Variants in PIGK observed in about 807,000 individuals in gnomAD.
PIGK encodes the protein phosphatidylinositol glycan anchor biosynthesis class K.
Under a neutral mutation model 50.6 loss-of-function variants are expected in PIGK, and 42 were observed. The observed-to-expected ratio is 0.83, with a 90% CI of 0.65 to 1.07. The LOEUF is 1.07. Ranked by LOEUF, PIGK falls within the 50% of genes least tolerant of loss-of-function variation. PIGK has a pLI of 0.00. For missense variants in PIGK, 448 were observed against 488.7 expected, an observed-to-expected ratio of 0.92 and a Z score of 0.78; for synonymous variants, 151 against 156.0, an observed-to-expected ratio of 0.97 and a Z score of 0.24.
At chr1:77,170,305 T>C (rs1011788270) in intron 3 of PIGK, among the ~76,000 whole-genome samples, 1 of 152,196 alleles carries the variant, frequency 6.6e-6, no homozygotes, top group African/African-American at 2.4e-5. Context: ...CTTCAGCCTC[T>C]ACCACCCACA....
chr1:77,186,491 T>A (rs555490999), intron 3 of PIGK, among the ~76,000 whole-genome samples: 49 of 152,266 alleles, frequency 3.2e-4, no homozygotes, highest in South Asian at 8.3e-4. Context: ...GAAGCATGAT[T>A]GGAAAATTGG....
chr1:77,097,716 G>A (rs539678627), intron 10 of PIGK, among the ~76,000 whole-genome samples: 2 of 152,054 alleles, frequency 1.3e-5, no homozygotes, highest in Non-Finnish European at 2.9e-5. Flanking sequence ...ATTACTCATA[G>A]ATATGATTAT....
At chr1:77,118,324 A>G (rs1211315981) in intron 10 of PIGK, among the ~76,000 whole-genome samples, 1 of 151,796 alleles carries the variant, frequency 6.6e-6, no homozygotes, top group Non-Finnish European at 1.5e-5. Context: ...TGTAACCTCA[A>G]AAACTCCTGG....
At chr1:77,097,692 G>T (rs1653449747) in intron 10 of PIGK, among the ~76,000 whole-genome samples, 1 of 152,050 alleles carries the variant, frequency 6.6e-6, no homozygotes, top group Non-Finnish European at 1.5e-5. Context: ...TGTAGGAAGG[G>T]AAAGTAAATT....
intron 2 of PIGK, among the ~76,000 whole-genome samples, chr1:77,209,986 T>G (rs540981731): frequency 1.2e-4 from 19 of 152,190 alleles, no homozygotes; most frequent in Admixed American, 4.6e-4. Context: ...AAAACAAAAT[T>G]AGTCTGCCTT....
chr1:77,134,631 C>A (rs1197834500), intron 9 of PIGK, among the ~76,000 whole-genome samples: 2 of 152,186 alleles, frequency 1.3e-5, no homozygotes, highest in Non-Finnish European at 2.9e-5. Flanking sequence ...GCTACAGATT[C>A]TCAGCTCATC....
chr1:77,111,913 C>T (rs1428980529), intron 10 of PIGK, among the ~76,000 whole-genome samples: 1 of 151,772 alleles, frequency 6.6e-6, no homozygotes, highest in Admixed American at 6.6e-5. Flanking sequence ...GTATTAATAG[C>T]CTTGGATATA....
intron 10 of PIGK, 151 bp downstream of exon 10, chr1:77,122,124 T>G (rs1654111301): frequency 4.4e-6 from 2 of 457,620 alleles, no homozygotes; most frequent in Non-Finnish European, 3.9e-6. Flanking sequence ...AATGGGACTT[T>G]CAACTGTAAT....
chr1:77,203,011 T>C (rs888759474), intron 3 of PIGK, among the ~76,000 whole-genome samples: 1 of 152,190 alleles, frequency 6.6e-6, no homozygotes, highest in Admixed American at 6.5e-5. Context: ...TCGCAGAGCA[T>C]GGAGAACACA....
chr1:77,146,624 C>T (rs1266365665), intron 9 of PIGK, among the ~76,000 whole-genome samples: 4 of 152,126 alleles, frequency 2.6e-5, no homozygotes, highest in Non-Finnish European at 4.4e-5. Context: ...GGCGAAACCC[C>T]GTCTCTACTA....
At chr1:77,212,035 A>C (rs1656432830) in intron 1 of PIGK, among the ~76,000 whole-genome samples, 1 of 152,000 alleles carries the variant, frequency 6.6e-6, no homozygotes, top group Non-Finnish European at 1.5e-5. Context: ...ATTTGAACTC[A>C]CCAATATAGC....
At chr1:77,149,311 C>G (rs911298530) in intron 9 of PIGK, among the ~76,000 whole-genome samples, 5 of 151,990 alleles carry the variant, frequency 3.3e-5, no homozygotes, top group African/African-American at 7.2e-5. Flanking sequence ...AAAGACATGA[C>G]TAACTGGATT....
chr1:77,103,294 A>G (rs1352900303), intron 10 of PIGK, among the ~76,000 whole-genome samples: 1 of 152,242 alleles, frequency 6.6e-6, no homozygotes, highest in East Asian at 1.9e-4. Flanking sequence ...TCAAAAAAAA[A>G]GTAAAGAATT....
Position 77,206,658 on chromosome 1 carries a change from C to T in PIGK, c.221G>A (p.Arg74Lys), listed in dbSNP as rs776378076. Residue 74 changes from arginine (R) to lysine (K), a missense_variant, in exon 3 of 11, where the codon AGG becomes AAG. Coordinates refer to ENST00000370812, the MANE Select transcript of PIGK (RefSeq NM_005482.3). Reference sequence around the variant, plus strand: ...TTCTTACCTGTCAGGAATACCTAGCCTCTTGACACTTCTATAAACAGAAAG... The same window carrying T: ...TTCTTACCTGTCAGGAATACCTAGCTTCTTGACACTTCTATAAACAGAAAG... ...NTLSVYRSVK[R>K]LGIPDSHIVL... The T allele has an allele frequency of 6.2e-7, 1 of 1,604,386 alleles. No individual in the cohort carries two copies. Among genetic ancestry groups the T allele is most frequent in the East Asian group, 2.2e-5 (1 of 44,792 alleles).
intron 1 of PIGK, among the ~76,000 whole-genome samples, chr1:77,214,737 T>C (rs1656511764): frequency 6.6e-6 from 1 of 152,276 alleles, no homozygotes; most frequent in Middle Eastern, 3.4e-3. Context: ...AACATGATCT[T>C]ATATTTAGAA....
intron 10 of PIGK, among the ~76,000 whole-genome samples, chr1:77,115,369 C>G (rs945066812): frequency 6.6e-6 from 1 of 151,824 alleles, no homozygotes; most frequent in Non-Finnish European, 1.5e-5. Context: ...TTCAAATTAC[C>G]TGTATTGGTC....
chr1:77,155,146 C>T (rs1284504490), intron 8 of PIGK, among the ~76,000 whole-genome samples: 2 of 152,156 alleles, frequency 1.3e-5, no homozygotes, highest in Non-Finnish European at 2.9e-5. Context: ...ACTGCATATC[C>T]TCTTGCTCTC....
chr1:77,105,480 C>G (rs189616874), intron 10 of PIGK, among the ~76,000 whole-genome samples: 9 of 151,834 alleles, frequency 5.9e-5, no homozygotes, highest in Non-Finnish European at 1.2e-4. Context: ...CTGCCTCTAT[C>G]AATAATAGCT....
intron 10 of PIGK, among the ~76,000 whole-genome samples, chr1:77,107,593 T>G (rs1048045568): frequency 5.9e-5 from 9 of 152,176 alleles, no homozygotes; most frequent in Non-Finnish European, 1.2e-4. Context: ...GTTCTGTAGA[T>G]GTCTATTAGG....
Sources: allele counts gnomAD v4.1 joint callset (sites outside exome capture counted in the v4.1 genomes callset), GRCh38; gene constraint gnomAD v4.1.1; transcripts MANE v1.5; gene names NCBI Gene and HGNC (gene_info 2026-07-23, HGNC 2026-07-21).